The following SCFD2 variants were observed in gnomAD, a reference collection of about 807,000 sequenced individuals.
SCFD2 encodes sec1 family domain-containing protein 2.
A neutral mutation model predicts 58.9 loss-of-function variants in SCFD2; 54 were observed. The observed-to-expected ratio is 0.92, with a 90% CI of 0.74 to 1.15. The LOEUF (loss-of-function observed/expected upper bound fraction) is 1.15, where lower values mean the gene tolerates loss of function less well. Among genes scored for constraint, SCFD2 ranks in the 50% most tolerant of loss-of-function variants. SCFD2 has a pLI of 0.00. For synonymous variants in SCFD2, 321 were observed against 335.9 expected, an observed-to-expected ratio of 0.96 and a Z score of 0.49; for missense variants, 805 against 836.6, an observed-to-expected ratio of 0.96 and a Z score of 0.47.
chr4:52,914,608 A>G (rs561697303), intron 6 of SCFD2, among the ~76,000 whole-genome samples: 5 of 152,280 alleles, frequency 3.3e-5, no homozygotes, highest in East Asian at 1.9e-4. Flanking sequence ...AGCCATGACC[A>G]CAGAGCTGAC....
At chr4:53,315,729 A>C (rs188095340) in intron 2 of SCFD2, among the ~76,000 whole-genome samples, 21 of 152,296 alleles carry the variant, frequency 1.4e-4, no homozygotes, top group Non-Finnish European at 4.4e-5. Flanking sequence ...TCTCAACAAT[A>C]TCTCTCCACA....
At chr4:53,121,941 TC>T (rs996340576) in intron 5 of SCFD2, among the ~76,000 whole-genome samples, 2 of 152,162 alleles carry the variant, frequency 1.3e-5, no homozygotes, top group Admixed American at 6.5e-5. Context: ...TTGTTTTTTT[TC>T]CCCCAAAGTG....
intron 5 of SCFD2, among the ~76,000 whole-genome samples, chr4:53,107,230 T>TTCAGGA (rs1340860676): frequency 1.3e-5 from 2 of 152,144 alleles, no homozygotes; most frequent in Non-Finnish European, 2.9e-5. Context: ...AAGGAAGCAC[T>TTCAGGA]AAACATGGAA....
intron 5 of SCFD2, among the ~76,000 whole-genome samples, chr4:53,105,480 G>T (rs1724965866): frequency 6.6e-6 from 1 of 152,178 alleles, no homozygotes; most frequent in African/African-American, 2.4e-5. Flanking sequence ...AGTCCACCTG[G>T]GACCCTCGAC....
chr4:53,159,230 A>G (rs1726780615), intron 4 of SCFD2, among the ~76,000 whole-genome samples: 1 of 152,234 alleles, frequency 6.6e-6, no homozygotes, highest in African/African-American at 2.4e-5. Context: ...AGATTATCTC[A>G]TTTAGTCCTC....
intron 3 of SCFD2, among the ~76,000 whole-genome samples, chr4:53,281,772 T>A (rs1577928002): frequency 6.6e-6 from 1 of 152,236 alleles, no homozygotes; most frequent in East Asian, 1.9e-4. Flanking sequence ...ATATTTTAGC[T>A]TTCTTTTTTG....
At position 53,248,932 on chromosome 4, in the gene SCFD2, G is replaced by T. The variant is rs549054897; in HGVS notation, c.1311+24894C>A. On this transcript the variant is annotated intron_variant, in intron 4 of 8. Transcript: ENST00000401642. ...TCCAAAGGAACGCAGTTCCTCACCA[G>T]CAACGGAACAAAGCTGGACGGAGAA... is the stretch of plus-strand genomic sequence containing the variant. 2.6e-4 allele frequency among the ~76,000 whole-genome samples: 39 copies of T among 152,336 alleles called. 1 individual carries two copies. In the South Asian group the frequency reaches 6.4e-3, roughly 25 times the overall value.
At chr4:53,099,236 A>G (rs1724757594) in intron 5 of SCFD2, among the ~76,000 whole-genome samples, 1 of 152,184 alleles carries the variant, frequency 6.6e-6, no homozygotes, top group Non-Finnish European at 1.5e-5. Flanking sequence ...AAGGATGTCT[A>G]TAAGACTACT....
At chr4:52,985,380 C>T (rs1194917725) in intron 5 of SCFD2, among the ~76,000 whole-genome samples, 1 of 152,154 alleles carries the variant, frequency 6.6e-6, no homozygotes, top group Admixed American at 6.5e-5. Context: ...CCATGCTTAG[C>T]TCCTTATTTA....
chr4:52,884,285 A>T (rs992026505), intron 8 of SCFD2, among the ~76,000 whole-genome samples: 1 of 152,180 alleles, frequency 6.6e-6, no homozygotes, highest in African/African-American at 2.4e-5. Flanking sequence ...AAAGGGAAGG[A>T]TGCAGCTCCT....
At chr4:52,989,873 C>T (rs1425475304) in intron 5 of SCFD2, among the ~76,000 whole-genome samples, 1 of 152,154 alleles carries the variant, frequency 6.6e-6, no homozygotes, top group Non-Finnish European at 1.5e-5. Context: ...CTGCTGTTCA[C>T]CTCTCTTTAT....
intron 4 of SCFD2, among the ~76,000 whole-genome samples, chr4:53,188,752 C>T (rs915072125): frequency 1.1e-4 from 16 of 152,020 alleles, no homozygotes; most frequent in African/African-American, 3.9e-4. Context: ...TTCTTAATTC[C>T]ATCTAGTAAG....
intron 5 of SCFD2, among the ~76,000 whole-genome samples, chr4:52,937,886 C>T (rs1372302818): frequency 1.3e-5 from 2 of 152,068 alleles, no homozygotes; most frequent in Non-Finnish European, 2.9e-5. Flanking sequence ...GTTAAGGTAG[C>T]TTTAAGAAAA....
At chr4:52,936,759 G>A (rs949246114) in intron 5 of SCFD2, among the ~76,000 whole-genome samples, 2 of 152,126 alleles carry the variant, frequency 1.3e-5, no homozygotes, top group African/African-American at 2.4e-5. Flanking sequence ...CATAGACATT[G>A]TATCTGCTAG....
intron 4 of SCFD2, among the ~76,000 whole-genome samples, chr4:53,269,200 C>T (rs987694661): frequency 2.6e-5 from 4 of 152,132 alleles, no homozygotes; most frequent in Non-Finnish European, 4.4e-5. Flanking sequence ...TGGTGCATTC[C>T]TGTAGTCCCA....
At chr4:52,902,611 C>CTGTG (rs1719232636) in intron 7 of SCFD2, among the ~76,000 whole-genome samples, 1 of 152,194 alleles carries the variant, frequency 6.6e-6, no homozygotes, top group Non-Finnish European at 1.5e-5. Flanking sequence ...GGCAGGGATA[C>CTGTG]AAATCCATAA....
chr4:53,229,308 G>A (rs889072398), intron 4 of SCFD2, among the ~76,000 whole-genome samples: 3 of 152,140 alleles, frequency 2.0e-5, no homozygotes, highest in African/African-American at 4.8e-5. Flanking sequence ...AGCCCACATT[G>A]CCAAGTCAAT....
intron 5 of SCFD2, among the ~76,000 whole-genome samples, chr4:53,074,228 A>G (rs545058472): frequency 1.6e-4 from 25 of 152,320 alleles, no homozygotes; most frequent in African/African-American, 6.0e-4. Context: ...CTTATCCATA[A>G]GAAGCAGCTC....
chr4:52,961,589 C>A (rs1720853370), intron 5 of SCFD2, among the ~76,000 whole-genome samples: 1 of 152,148 alleles, frequency 6.6e-6, no homozygotes, highest in Non-Finnish European at 1.5e-5. Context: ...TGTTGAGCAG[C>A]TGAAACAGTG....
Sources: allele counts gnomAD v4.1 joint callset (sites outside exome capture counted in the v4.1 genomes callset), GRCh38; gene constraint gnomAD v4.1.1; transcripts MANE v1.5; gene names NCBI Gene and HGNC (gene_info 2026-07-23, HGNC 2026-07-21).